The following UNC13C variants were observed in gnomAD, a reference collection of about 807,000 sequenced individuals.
UNC13C encodes protein unc-13 homolog C.
In UNC13C, 174 loss-of-function variants were observed where a neutral mutation model predicts 245.4. That is an observed-to-expected ratio of 0.71 (90% CI 0.63 to 0.80). The LOEUF (loss-of-function observed/expected upper bound fraction) is 0.80, where lower values mean the gene tolerates loss of function less well. Ranked by LOEUF, UNC13C falls within the 30% of genes least tolerant of loss-of-function variation. The probability of loss-of-function intolerance (pLI) is 0.00; values close to 1 mark genes in which losing one functional copy is unlikely to be tolerated. For synonymous variants in UNC13C, 992 were observed against 895.1 expected (o/e 1.11, Z -1.93); for missense variants, 2,829 against 2,602.9 (o/e 1.09, Z -1.89).
intron 2 of UNC13C, among the ~76,000 whole-genome samples, chr15:54,093,615 G>C (rs1179240404): frequency 1.3e-5 from 2 of 152,156 alleles, no homozygotes; most frequent in Admixed American, 1.3e-4. Flanking sequence ...TGCTGCAATG[G>C]TCTTGACTTA....
chr15:54,580,122 A>G (rs1454896343), intron 30 of UNC13C, among the ~76,000 whole-genome samples: 1 of 152,172 alleles, frequency 6.6e-6, no homozygotes, highest in East Asian at 1.9e-4. Flanking sequence ...CTCTGGACCC[A>G]CTGAGCCACC....
At chr15:54,247,694 C>G (rs1040544224) in intron 7 of UNC13C, among the ~76,000 whole-genome samples, 1 of 151,254 alleles carries the variant, frequency 6.6e-6, no homozygotes, top group Non-Finnish European at 1.5e-5. Context: ...TTTAATAGCT[C>G]TTAAATATTG....
chr15:54,229,077 G>A (rs144872756), intron 4 of UNC13C, among the ~76,000 whole-genome samples: 2 of 152,232 alleles, frequency 1.3e-5, no homozygotes, highest in Non-Finnish European at 2.9e-5. Context: ...CTCCTTCTGT[G>A]GGCACTGGCT....
intron 26 of UNC13C, among the ~76,000 whole-genome samples, chr15:54,543,695 A>G (rs1896351742): frequency 6.6e-6 from 1 of 152,192 alleles, no homozygotes; most frequent in Non-Finnish European, 1.5e-5. Context: ...GAAAATCTAG[A>G]ACAAATGGAT....
chr15:54,566,210 A>G (rs1271224203), intron 29 of UNC13C, among the ~76,000 whole-genome samples: 1 of 152,044 alleles, frequency 6.6e-6, no homozygotes, highest in Non-Finnish European at 1.5e-5. Flanking sequence ...AGTCAAGACC[A>G]ATCTATATTT....
chr15:54,292,783 G>A (rs1457810670), intron 10 of UNC13C, among the ~76,000 whole-genome samples: 1 of 150,940 alleles, frequency 6.6e-6, no homozygotes, highest in African/African-American at 2.4e-5. Context: ...TGGTTGTATT[G>A]ATGACAAAAA....
chr15:54,224,015 A>G (rs1273967619), intron 4 of UNC13C, among the ~76,000 whole-genome samples: 1 of 152,106 alleles, frequency 6.6e-6, no homozygotes, highest in Non-Finnish European at 1.5e-5. Context: ...AAATTTGTTG[A>G]TCAATTCTAA....
chr15:54,013,987 A>C lies in UNC13C; in HGVS notation c.1084A>C (p.Arg362=). 1 of 1,613,816 alleles carries C rather than the reference A, an allele frequency of 6.2e-7. No individual in the cohort carries two copies. The highest frequency in any genetic ancestry group is 8.5e-7 in the Non-Finnish European group (1 of 1,179,846). Residue 362 remains arginine (R), a synonymous_variant, in exon 2 of 33, where the codon AGG becomes CGG. Coordinates refer to ENST00000260323, the MANE Select transcript of UNC13C (RefSeq NM_001080534.3). The part of the protein sequence containing the change: ...PNAIKIEFAQ[R]IGHQRDCPNA... ...TGCTATTAAAATTGAATTTGCTCAG[A>C]GGATAGGACACCAGAGAGACTGCCC...
intron 19 of UNC13C, among the ~76,000 whole-genome samples, chr15:54,458,251 C>A (rs570232900): frequency 1.3e-5 from 2 of 151,988 alleles, no homozygotes; most frequent in African/African-American, 4.8e-5. Context: ...TGAGAAAGTA[C>A]TATATATACT....
chr15:54,142,520 TA>T (rs1177999895), intron 2 of UNC13C, among the ~76,000 whole-genome samples: 3 of 152,220 alleles, frequency 2.0e-5, no homozygotes, highest in Non-Finnish European at 2.9e-5. Flanking sequence ...CATAAATATA[TA>T]AACTCTTAAT....
At chr15:54,250,465 A>T in intron 8 of UNC13C, 21 bp downstream of exon 8, 1 of 1,580,702 alleles carries the variant, frequency 6.3e-7, no homozygotes, top group Non-Finnish European at 8.6e-7. Flanking sequence ...GGTTTGGCTG[A>T]AAAAGTGGTA....
chr15:54,441,438 A>G (rs1157380004), intron 19 of UNC13C, among the ~76,000 whole-genome samples: 1 of 151,886 alleles, frequency 6.6e-6, no homozygotes, highest in Admixed American at 6.6e-5. Flanking sequence ...TCTTTTCCTG[A>G]TATATGTTCT....
chr15:54,556,637 A>C (rs1897102280), intron 29 of UNC13C, among the ~76,000 whole-genome samples: 1 of 152,076 alleles, frequency 6.6e-6, no homozygotes, highest in African/African-American at 2.4e-5. Flanking sequence ...AAAGAAATAC[A>C]ATAAAAAACT....
chr15:54,447,911 A>G (rs1218075259), intron 19 of UNC13C, among the ~76,000 whole-genome samples: 1 of 152,172 alleles, frequency 6.6e-6, no homozygotes, highest in Non-Finnish European at 1.5e-5. Context: ...GTGAGCATTT[A>G]GTGGTATAAA....
chr15:54,049,660 C>A, intron 2 of UNC13C: 1 of 231,160 alleles, frequency 4.3e-6, no homozygotes, highest in South Asian at 5.8e-5. Flanking sequence ...CTCCAGCAGT[C>A]TGAGTGCCGT....
chr15:53,993,204 G>A (rs1894468502), intron 1 of UNC13C, among the ~76,000 whole-genome samples: 1 of 152,078 alleles, frequency 6.6e-6, no homozygotes, highest in Non-Finnish European at 1.5e-5. Flanking sequence ...TTTTGGATTA[G>A]GTAGAGGGAA....
Position 54,086,349 on chromosome 15 carries a change from G to GT in UNC13C, c.2984-56661dup, listed in dbSNP as rs927075899. The stretch of plus-strand genomic sequence containing the variant: ...GGAATACTATAGGACATTCAAAAAA[G>GT]TTTTTTTTCCTTTGCAAAAGGGATT... On this transcript the variant is annotated intron_variant, in intron 2 of 32. Transcript: ENST00000260323. Among the ~76,000 whole-genome samples the GT allele has an allele frequency of 6.6e-5, 10 of 152,010 alleles. No homozygotes were observed. The South Asian group carries it at 1.5e-3, about 22-fold the overall frequency.
intron 30 of UNC13C, among the ~76,000 whole-genome samples, chr15:54,616,246 G>A (rs1900423417): frequency 6.6e-6 from 1 of 151,986 alleles, no homozygotes; most frequent in Non-Finnish European, 1.5e-5. Context: ...AGAAAGCCAT[G>A]AAAATAGGGA....
chr15:54,038,017 T>G (rs1336547848), intron 2 of UNC13C, among the ~76,000 whole-genome samples: 1 of 148,102 alleles, frequency 6.8e-6, no homozygotes, highest in Non-Finnish European at 1.5e-5. Context: ...AATATTTAAT[T>G]TATTACAGTT....
Sources: gnomAD v4.1 joint callset for allele counts (sites outside exome capture counted in the v4.1 genomes callset) on GRCh38, gnomAD v4.1.1 for gene constraint, MANE v1.5 for transcripts, NCBI Gene and HGNC (gene_info 2026-07-23, HGNC 2026-07-21) for gene names.